LRP1B: variants seen among roughly 807,000 people sequenced by gnomAD.
LRP1B encodes the protein low-density lipoprotein receptor-related protein 1B.
A neutral mutation model predicts 556.6 loss-of-function variants in LRP1B; 217 were observed. That is an observed-to-expected ratio of 0.39 (90% CI 0.35 to 0.44). LRP1B has a LOEUF of 0.44. Among genes scored for constraint, LRP1B ranks in the 20% least tolerant of loss-of-function variants. The pLI is 1.00. For synonymous variants in LRP1B, 2,047 were observed against 1,865.8 expected (o/e 1.10, Z -2.50); for missense variants, 5,053 against 5,620.8 (o/e 0.90, Z 3.23).
At chr2:141,475,765 T>C (rs1682680268) in intron 3 of LRP1B, among the ~76,000 whole-genome samples, 1 of 146,196 alleles carries the variant, frequency 6.8e-6, no homozygotes, top group Non-Finnish European at 1.5e-5. Context: ...CGGTTGGGGA[T>C]GGTCAGAGAG....
chr2:141,732,946 G>C (rs774664741), intron 2 of LRP1B, among the ~76,000 whole-genome samples: 30 of 152,048 alleles, frequency 2.0e-4, no homozygotes, highest in Non-Finnish European at 4.0e-4. Flanking sequence ...TGGCATCACT[G>C]ATCACATACT....
chr2:141,668,897 C>G (rs567111937), intron 2 of LRP1B, among the ~76,000 whole-genome samples: 15 of 152,230 alleles, frequency 9.9e-5, no homozygotes, highest in African/African-American at 3.6e-4. Flanking sequence ...TACACCTGCC[C>G]GTCTGCATGC....
intron 31 of LRP1B, among the ~76,000 whole-genome samples, chr2:140,830,611 T>C (rs1691681564): frequency 1.3e-5 from 2 of 151,994 alleles, no homozygotes; most frequent in Admixed American, 1.3e-4. Flanking sequence ...CTCAAAACAA[T>C]GAAGGCCATA....
chr2:142,110,343 T>TA (rs1410499567), intron 1 of LRP1B, among the ~76,000 whole-genome samples: 4 of 152,034 alleles, frequency 2.6e-5, no homozygotes, highest in Non-Finnish European at 1.5e-5. Context: ...TGATAAAATT[T>TA]AAAAAAAGCT....
chr2:140,273,531 C>T (rs1405827828), intron 85 of LRP1B, among the ~76,000 whole-genome samples: 1 of 151,970 alleles, frequency 6.6e-6, no homozygotes, highest in Non-Finnish European at 1.5e-5. Context: ...ATGCTCTTTG[C>T]AATCAAATTT....
chr2:141,388,403 T>G (rs1357926349), intron 3 of LRP1B, among the ~76,000 whole-genome samples: 1 of 152,106 alleles, frequency 6.6e-6, no homozygotes, highest in Non-Finnish European at 1.5e-5. Flanking sequence ...GCCACTGCAC[T>G]CAAGCCTGGG....
At chr2:141,537,903 G>C (rs960099480) in intron 2 of LRP1B, among the ~76,000 whole-genome samples, 1 of 152,126 alleles carries the variant, frequency 6.6e-6, no homozygotes, top group East Asian at 1.9e-4. Context: ...TCCTCTTGTG[G>C]AATTCCACCC....
At chr2:140,685,695 C>T (rs1413195889) in intron 41 of LRP1B, among the ~76,000 whole-genome samples, 2 of 152,216 alleles carry the variant, frequency 1.3e-5, no homozygotes, top group African/African-American at 4.8e-5. Flanking sequence ...GACAAGTCCC[C>T]TAAAACTTAA....
rs2105323586 is a variant in LRP1B at position 140,457,453 on chromosome 2, G to A, written c.9814+10C>T. ...AATGCATTTATGGAAATCATGGAAAGAATAATTACCATCAGGTTGTCTATA... is the reference window on the plus strand; with the variant it reads ...AATGCATTTATGGAAATCATGGAAAAAATAATTACCATCAGGTTGTCTATA... On this transcript the variant is annotated intron_variant, in intron 61 of 90. Coordinates refer to ENST00000389484, the MANE Select transcript of LRP1B (RefSeq NM_018557.3). 1 of 1,587,916 alleles carries A rather than the reference G, an allele frequency of 6.3e-7. No homozygotes were observed. The highest frequency in any genetic ancestry group is 1.1e-5 in the South Asian group (1 of 90,250).
chr2:140,799,815 A>G (rs1690443324), intron 32 of LRP1B, among the ~76,000 whole-genome samples: 3 of 152,152 alleles, frequency 2.0e-5, no homozygotes, highest in Admixed American at 2.0e-4. Flanking sequence ...TCGAGTCTAC[A>G]GCTCCCAGCC....
intron 41 of LRP1B, among the ~76,000 whole-genome samples, chr2:140,609,028 A>G (rs752091459): frequency 6.6e-6 from 1 of 152,196 alleles, no homozygotes; most frequent in African/African-American, 2.4e-5. Flanking sequence ...GATTGAACAT[A>G]TATGTGATAT....
chr2:141,201,649 T>A (rs961456084), intron 6 of LRP1B, among the ~76,000 whole-genome samples: 5 of 152,180 alleles, frequency 3.3e-5, no homozygotes, highest in East Asian at 1.9e-4. Flanking sequence ...TGTACTTTTT[T>A]AATTATTCAT....
chr2:141,494,146 G>A (rs1282045802), intron 2 of LRP1B, among the ~76,000 whole-genome samples: 1 of 152,152 alleles, frequency 6.6e-6, no homozygotes, highest in Non-Finnish European at 1.5e-5. Flanking sequence ...TCAAGGCCTG[G>A]TTAGCTCAGC....
At chr2:141,452,653 G>T (rs1681463544) in intron 3 of LRP1B, among the ~76,000 whole-genome samples, 1 of 152,110 alleles carries the variant, frequency 6.6e-6, no homozygotes, top group Non-Finnish European at 1.5e-5. Context: ...AGTTTCCCAG[G>T]TACCTGCAAT....
intron 2 of LRP1B, among the ~76,000 whole-genome samples, chr2:141,665,330 G>A (rs1690385730): frequency 6.6e-6 from 1 of 152,088 alleles, no homozygotes. Context: ...ATGAAATAAA[G>A]CTCAACATCA....
chr2:140,825,495 G>C (rs1471379537), intron 31 of LRP1B, among the ~76,000 whole-genome samples: 1 of 151,586 alleles, frequency 6.6e-6, no homozygotes, highest in Non-Finnish European at 1.5e-5. Flanking sequence ...TCTTCACCAT[G>C]TTCCTTATGT....
chr2:141,765,571 T>A (rs997556016), intron 2 of LRP1B, among the ~76,000 whole-genome samples: 3 of 152,184 alleles, frequency 2.0e-5, no homozygotes, highest in African/African-American at 7.2e-5. Flanking sequence ...GGAAAAAAAA[T>A]TAGCTAAATT....
At chr2:140,268,169 C>T (rs184157704) in intron 86 of LRP1B, among the ~76,000 whole-genome samples, 2 of 151,928 alleles carry the variant, frequency 1.3e-5, no homozygotes, top group Admixed American at 6.6e-5. Flanking sequence ...AAAATAGGTA[C>T]CTGAATCCAT....
At chr2:140,669,745 T>G (rs1559044390) in intron 41 of LRP1B, among the ~76,000 whole-genome samples, 1 of 152,040 alleles carries the variant, frequency 6.6e-6, no homozygotes, top group African/African-American at 2.4e-5. Context: ...TAAAATAAAT[T>G]TAGGAACTGG....
Sources: allele counts gnomAD v4.1 joint callset (sites outside exome capture counted in the v4.1 genomes callset), GRCh38; gene constraint gnomAD v4.1.1; transcripts MANE v1.5; gene names NCBI Gene and HGNC (gene_info 2026-07-23, HGNC 2026-07-21).